The following OSBPL8 variants were observed in gnomAD, a reference collection of about 807,000 sequenced individuals.
OSBPL8 encodes oxysterol-binding protein-related protein 8.
Under a neutral mutation model 125.5 loss-of-function variants are expected in OSBPL8, and 59 were observed. The ratio of observed to expected loss-of-function variants is 0.47; its 90% CI spans 0.38 to 0.58. The LOEUF (loss-of-function observed/expected upper bound fraction) is 0.58, where lower values mean the gene tolerates loss of function less well. OSBPL8 is among the 20% of genes least tolerant of loss of function. The probability of loss-of-function intolerance (pLI) is 0.00; values close to 1 mark genes in which losing one functional copy is unlikely to be tolerated. For missense variants in OSBPL8, 758 were observed against 1,047.8 expected (o/e 0.72, Z 3.82); for synonymous variants, 330 against 338.9 (o/e 0.97, Z 0.29).
chr12:76,388,389 A>G (rs562711373), intron 12 of OSBPL8, among the ~76,000 whole-genome samples: 39 of 152,312 alleles, frequency 2.6e-4, no homozygotes, highest in African/African-American at 7.7e-4. Context: ...ATAGTCCCTG[A>G]TTGCCAACAG....
At chr12:76,512,374 AT>A (rs2137195791) in intron 1 of OSBPL8, among the ~76,000 whole-genome samples, 1 of 152,238 alleles carries the variant, frequency 6.6e-6, no homozygotes, top group Non-Finnish European at 1.5e-5. Flanking sequence ...TCTGTCACTG[AT>A]GGGCATTTAG....
At chr12:76,476,906 AAAGT>A (rs1433802352) in intron 2 of OSBPL8, among the ~76,000 whole-genome samples, 1 of 152,216 alleles carries the variant, frequency 6.6e-6, no homozygotes, top group Non-Finnish European at 1.5e-5. Flanking sequence ...AAACTAATGA[AAAGT>A]AAGCAGACAT....
At chr12:76,544,728 T>C (rs533568584) in intron 1 of OSBPL8, among the ~76,000 whole-genome samples, 1 of 152,226 alleles carries the variant, frequency 6.6e-6, no homozygotes, top group South Asian at 2.1e-4. Flanking sequence ...TGGGTGGCAG[T>C]ATGTTATACT....
intron 4 of OSBPL8, among the ~76,000 whole-genome samples, chr12:76,428,501 T>TA (rs556631533): frequency 3.0e-4 from 46 of 152,156 alleles, no homozygotes; most frequent in African/African-American, 1.1e-3. Flanking sequence ...ACACTCATGA[T>TA]AAAAAAACAT....
Position 76,559,507 on chromosome 12 carries a change from G to C in OSBPL8, c.-178C>G, listed in dbSNP as rs1232441212. 1 of 152,080 alleles carries C rather than the reference G, an allele frequency of 6.6e-6. No individual in the cohort carries two copies. The highest frequency in any genetic ancestry group is 1.5e-5 in the Non-Finnish European group (1 of 68,014). The allele number at this position is 152,080 out of a possible 1,614,324, so 9.4% of individuals were successfully genotyped here. ...GTCTAGTCAGACCCCAACTTCTCTC[G>C]GCCGCTGTCGTCGGCGGCAGCTGGG... On this transcript the variant is annotated 5_prime_UTR_variant, in exon 1 of 24. Transcript: ENST00000261183.
At chr12:76,478,424 A>G (rs981243794) in intron 2 of OSBPL8, among the ~76,000 whole-genome samples, 1 of 152,214 alleles carries the variant, frequency 6.6e-6, no homozygotes, top group African/African-American at 2.4e-5. Context: ...CACTTTAAGA[A>G]AATCTCCAAG....
At chr12:76,410,709 A>T in intron 4 of OSBPL8, 75 bp from the exon 5 acceptor site, 1 of 1,022,872 alleles carries the variant, frequency 9.8e-7, no homozygotes, top group Non-Finnish European at 1.5e-6. Context: ...TCAAGTATAG[A>T]CTATATTTGA....
At chr12:76,389,908 A>T in intron 11 of OSBPL8, 79 bp from the exon 12 acceptor site, 1 of 1,150,520 alleles carries the variant, frequency 8.7e-7, no homozygotes. Flanking sequence ...AATGTTGAAA[A>T]TATGAACTCT....
chr12:76,448,597 C>G (rs954627802), intron 4 of OSBPL8, among the ~76,000 whole-genome samples: 2 of 152,142 alleles, frequency 1.3e-5, no homozygotes, highest in African/African-American at 4.8e-5. Context: ...AAAATACAAT[C>G]GACAACTAAG....
chr12:76,516,809 TTTC>T (rs1376559432), intron 1 of OSBPL8, among the ~76,000 whole-genome samples: 2 of 148,576 alleles, frequency 1.3e-5, no homozygotes, highest in Admixed American at 6.7e-5. Context: ...TTCCTTTTCT[TTTC>T]TTTTCTTTTT....
chr12:76,541,942 C>T (rs1035019061), intron 1 of OSBPL8, among the ~76,000 whole-genome samples: 26 of 152,026 alleles, frequency 1.7e-4, no homozygotes, highest in African/African-American at 6.3e-4. Flanking sequence ...GAGGCCAAGG[C>T]GGGAGGATCA....
At chr12:76,397,587 G>C in intron 8 of OSBPL8, 107 bp downstream of exon 8, 1 of 1,119,702 alleles carries the variant, frequency 8.9e-7, no homozygotes, top group South Asian at 1.6e-5. Flanking sequence ...AAGCAGAACA[G>C]ATTTATAAGT....
intron 2 of OSBPL8, among the ~76,000 whole-genome samples, chr12:76,480,466 C>T (rs1565931604): frequency 6.6e-6 from 1 of 152,070 alleles, no homozygotes; most frequent in African/African-American, 2.4e-5. Flanking sequence ...TTCTACTACT[C>T]CATTTCAGTT....
intron 1 of OSBPL8, among the ~76,000 whole-genome samples, chr12:76,518,180 A>C (rs550639276): frequency 1.2e-3 from 179 of 152,368 alleles, no homozygotes; most frequent in African/African-American, 4.2e-3. Flanking sequence ...AACTTGATAG[A>C]TCAAAACAAG....
chr12:76,473,598 A>G (rs1437295582), intron 2 of OSBPL8, among the ~76,000 whole-genome samples: 1 of 152,230 alleles, frequency 6.6e-6, no homozygotes, highest in Non-Finnish European at 1.5e-5. Flanking sequence ...AAAACATCCC[A>G]GATAACTCTA....
At chr12:76,480,448 G>C (rs1397241244) in intron 2 of OSBPL8, among the ~76,000 whole-genome samples, 1 of 152,050 alleles carries the variant, frequency 6.6e-6, no homozygotes, top group East Asian at 1.9e-4. Context: ...TGGGTATATT[G>C]GGATACGTTC....
At chr12:76,397,075 A>G (rs532217144) in intron 8 of OSBPL8, among the ~76,000 whole-genome samples, 1 of 152,242 alleles carries the variant, frequency 6.6e-6, no homozygotes, top group South Asian at 2.1e-4. Flanking sequence ...CTGGCCTACC[A>G]AAGTGCTGGG....
chr12:76,558,490 A>G (rs1282797041), intron 1 of OSBPL8, among the ~76,000 whole-genome samples: 1 of 152,200 alleles, frequency 6.6e-6, no homozygotes, highest in African/African-American at 2.4e-5. Context: ...CTGTATTACT[A>G]CTCAGACGTC....
chr12:76,513,867 G>A (rs1407774169), intron 1 of OSBPL8, among the ~76,000 whole-genome samples: 1 of 151,512 alleles, frequency 6.6e-6, no homozygotes, highest in Non-Finnish European at 1.5e-5. Context: ...ATAGCACTGG[G>A]TCTTGCTTTT....
Sources: gnomAD v4.1 joint callset for allele counts (sites outside exome capture counted in the v4.1 genomes callset) on GRCh38, gnomAD v4.1.1 for gene constraint, MANE v1.5 for transcripts, NCBI Gene and HGNC (gene_info 2026-07-23, HGNC 2026-07-21) for gene names.